The following RAB38 variants were observed in gnomAD, a reference collection of about 807,000 sequenced individuals.
RAB38 encodes ras-related protein Rab-38.
In RAB38, 15 loss-of-function variants were observed where a neutral mutation model predicts 18.4. The observed-to-expected ratio is 0.82, with a 90% CI of 0.55 to 1.26. RAB38 has a LOEUF of 1.26. Ranked by LOEUF, RAB38 falls within the 50% of genes most tolerant of loss-of-function variation. The pLI is 0.00. For synonymous variants in RAB38, 101 were observed against 104.4 expected, an observed-to-expected ratio of 0.97 and a Z score of 0.20; for missense variants, 294 against 267.4, an observed-to-expected ratio of 1.10 and a Z score of -0.69.
the RAB38 span, among the ~76,000 whole-genome samples, chr11:87,896,850 C>A: frequency 6.6e-6 from 1 of 151,622 alleles, no homozygotes; most frequent in African/African-American, 2.4e-5. Context: ...GAGCCCAGCA[C>A]ATATTAGGCA....
the RAB38 span, among the ~76,000 whole-genome samples, chr11:87,899,077 T>C: frequency 6.6e-6 from 1 of 151,588 alleles, no homozygotes; most frequent in South Asian, 2.1e-4. Flanking sequence ...CAGATAATAA[T>C]TAGAGCCCTC....
At chr11:88,166,941 T>C (rs1943253097) in intron 1 of RAB38, 1 of 152,160 alleles carries the variant, frequency 6.6e-6, no homozygotes, top group African/African-American at 2.4e-5. Context: ...GATACAATAG[T>C]TGACTGAAAA....
the RAB38 span, among the ~76,000 whole-genome samples, chr11:87,903,863 A>T: frequency 6.6e-6 from 1 of 151,098 alleles, no homozygotes; most frequent in African/African-American, 2.4e-5. Flanking sequence ...TTTTATTGTC[A>T]GTAGCATATA....
the RAB38 span, among the ~76,000 whole-genome samples, chr11:87,822,969 G>A: frequency 2.0e-5 from 3 of 152,108 alleles, no homozygotes; most frequent in Non-Finnish European, 4.4e-5. Flanking sequence ...ACTTTATAAT[G>A]ATAAAAAGTT....
At chr11:87,865,903 A>C in the RAB38 span, among the ~76,000 whole-genome samples, 1 of 151,734 alleles carries the variant, frequency 6.6e-6, no homozygotes, top group Admixed American at 6.6e-5. Flanking sequence ...GATGGCCCCT[A>C]ATCTTTATCT....
chr11:88,046,831 C>T, the RAB38 span, among the ~76,000 whole-genome samples: 1 of 152,132 alleles, frequency 6.6e-6, no homozygotes, highest in African/African-American at 2.4e-5. Flanking sequence ...TAAATCCTTT[C>T]CCCACTCCTC....
At chr11:87,955,873 GCACACACACACACACACA>G in the RAB38 span, among the ~76,000 whole-genome samples, 20 of 148,506 alleles carry the variant, frequency 1.3e-4, no homozygotes, top group Non-Finnish European at 2.4e-4. Context: ...CAAACAGTAT[GCACACACACACACACACA>G]CACACACACA....
chr11:87,938,874 T>G, the RAB38 span, among the ~76,000 whole-genome samples: 1 of 151,936 alleles, frequency 6.6e-6, no homozygotes, highest in African/African-American at 2.4e-5. Flanking sequence ...AGAGTATTAC[T>G]ATATTTATTT....
At chr11:87,952,270 G>A in the RAB38 span, among the ~76,000 whole-genome samples, 2 of 152,034 alleles carry the variant, frequency 1.3e-5, no homozygotes, top group African/African-American at 4.8e-5. Context: ...TTCATCCTGG[G>A]AATTTATGGA....
the RAB38 span, among the ~76,000 whole-genome samples, chr11:88,010,957 C>T: frequency 6.6e-6 from 1 of 152,046 alleles, no homozygotes; most frequent in South Asian, 2.1e-4. Flanking sequence ...ACAAGAGAGC[C>T]CAGAATCAGC....
chr11:88,135,592 T>C (rs2134802487), intron 2 of RAB38, among the ~76,000 whole-genome samples: 1 of 152,336 alleles, frequency 6.6e-6, no homozygotes, highest in East Asian at 1.9e-4. Context: ...TAATGCTAGA[T>C]CTCTTTCAAC....
intron 1 of RAB38, among the ~76,000 whole-genome samples, chr11:88,170,450 G>GAGAT (rs1943297733): frequency 6.6e-6 from 1 of 152,194 alleles, no homozygotes; most frequent in African/African-American, 2.4e-5. Flanking sequence ...CGGTACTAAA[G>GAGAT]AGATAGTTAA....
the RAB38 span, among the ~76,000 whole-genome samples, chr11:87,908,767 T>C: frequency 6.6e-6 from 1 of 152,036 alleles, no homozygotes; most frequent in African/African-American, 2.4e-5. Context: ...AAATTGACTA[T>C]ATGTGGGCAG....
the RAB38 span, among the ~76,000 whole-genome samples, chr11:87,885,694 A>C: frequency 6.6e-6 from 1 of 151,926 alleles, no homozygotes; most frequent in African/African-American, 2.4e-5. Flanking sequence ...TCAGGAAATG[A>C]GTTTGGGGTA....
the RAB38 span, among the ~76,000 whole-genome samples, chr11:88,005,319 G>C: frequency 1.3e-5 from 2 of 151,128 alleles, no homozygotes; most frequent in African/African-American, 2.4e-5. Context: ...ATAGACTCCA[G>C]AAATAAAGTC....
chr11:87,927,001 G>T, the RAB38 span, among the ~76,000 whole-genome samples: 1 of 152,048 alleles, frequency 6.6e-6, no homozygotes, highest in African/African-American at 2.4e-5. Context: ...ATGACATGTG[G>T]ACTTGCATCT....
chr11:88,140,065 G>A (rs76407323), intron 2 of RAB38, among the ~76,000 whole-genome samples: 1,900 of 152,266 alleles, frequency 0.012, 21 homozygotes, highest in Non-Finnish European at 0.02. Flanking sequence ...TGCATAATTC[G>A]GTGCACAAGC....
the RAB38 span, among the ~76,000 whole-genome samples, chr11:87,914,518 C>T: frequency 6.6e-6 from 1 of 151,960 alleles, no homozygotes; most frequent in Non-Finnish European, 1.5e-5. Flanking sequence ...AAAGAAATGA[C>T]CTAGAGGTAG....
chr11:88,120,725 T>C (rs1461396373), intron 2 of RAB38, among the ~76,000 whole-genome samples: 1 of 152,154 alleles, frequency 6.6e-6, no homozygotes, highest in Non-Finnish European at 1.5e-5. Flanking sequence ...CTTTATTCTT[T>C]AGATGTCAAA....
Sources: allele counts gnomAD v4.1 joint callset (sites outside exome capture counted in the v4.1 genomes callset), GRCh38; gene constraint gnomAD v4.1.1; transcripts MANE v1.5; gene names NCBI Gene and HGNC (gene_info 2026-07-23, HGNC 2026-07-21).